The following AKAP13 variants were observed in gnomAD, a reference collection of about 807,000 sequenced individuals.
AKAP13 encodes the protein A-kinase anchor protein 13.
A neutral mutation model predicts 264.5 loss-of-function variants in AKAP13; 80 were observed. The ratio of observed to expected loss-of-function variants is 0.30; its 90% CI spans 0.25 to 0.36. AKAP13 has a LOEUF of 0.36. AKAP13 is among the 10% of genes least tolerant of loss of function. The pLI is 1.00. For missense variants in AKAP13, 3,712 were observed against 3,435.2 expected (o/e 1.08, Z -2.01); for synonymous variants, 1,380 against 1,250.2 (o/e 1.10, Z -2.19).
intron 1 of AKAP13, among the ~76,000 whole-genome samples, chr15:85,456,972 A>G (rs1206557793): frequency 1.3e-5 from 2 of 152,196 alleles, no homozygotes; most frequent in African/African-American, 2.4e-5. Flanking sequence ...TTTATTATCT[A>G]CTGTGAGTCA....
intron 1 of AKAP13, among the ~76,000 whole-genome samples, chr15:85,484,405 G>C (rs2075459565): frequency 6.6e-6 from 1 of 152,228 alleles, no homozygotes; most frequent in Non-Finnish European, 1.5e-5. Flanking sequence ...AGGAAGGAAA[G>C]AGTGCCCTGA....
At chr15:85,613,888 A>AT (rs1239993779) in intron 8 of AKAP13, among the ~76,000 whole-genome samples, 1 of 151,760 alleles carries the variant, frequency 6.6e-6, no homozygotes, top group East Asian at 1.9e-4. Context: ...GGCTAAAATG[A>AT]TAACTTTAAA....
chr15:85,640,786 A>G (rs931503377), intron 9 of AKAP13, among the ~76,000 whole-genome samples: 2 of 152,178 alleles, frequency 1.3e-5, no homozygotes, highest in African/African-American at 4.8e-5. Context: ...GTAAAGGTTA[A>G]ATGAGGTTGG....
chr15:85,566,758 C>G (rs1394266615), intron 5 of AKAP13, among the ~76,000 whole-genome samples: 2 of 151,236 alleles, frequency 1.3e-5, no homozygotes, highest in Non-Finnish European at 2.9e-5. Context: ...TTCTGAGTAG[C>G]TGGGATTACA....
intron 13 of AKAP13, among the ~76,000 whole-genome samples, chr15:85,666,146 T>C (rs1456613691): frequency 6.6e-6 from 1 of 152,216 alleles, no homozygotes; most frequent in African/African-American, 2.4e-5. Context: ...CCGCCAACAG[T>C]GTAAAAGCGT....
rs764093886 is a variant in AKAP13 at position 85,734,898 on chromosome 15, A to G, written c.7283-94A>G. 4.6e-4 allele frequency: 685 copies of G among 1,479,876 alleles called. 1 individual carries two copies. Among genetic ancestry groups the G allele is most frequent in the Non-Finnish European group, 5.9e-4 (652 of 1,105,018 alleles). 91.7% of individuals were successfully genotyped at this position (1,479,876 alleles called of 1,614,324 possible). On this transcript the variant is annotated intron_variant, in intron 30 of 36. Transcript: ENST00000394518. Reference sequence around the variant, plus strand: ...ACCCAGTCACTCTTTGGAACTTTCAAGTCGTGCTCTTTGTACGTATCATAT... The same window carrying G: ...ACCCAGTCACTCTTTGGAACTTTCAGGTCGTGCTCTTTGTACGTATCATAT...
intron 1 of AKAP13, among the ~76,000 whole-genome samples, chr15:85,433,173 T>G (rs2073107197): frequency 6.6e-6 from 1 of 150,996 alleles, no homozygotes; most frequent in Non-Finnish European, 1.5e-5. Context: ...AGCATCATTT[T>G]GTTCTTTGGA....
At chr15:85,400,419 A>G (rs939055032) in intron 1 of AKAP13, among the ~76,000 whole-genome samples, 4 of 152,126 alleles carry the variant, frequency 2.6e-5, no homozygotes, top group African/African-American at 4.8e-5. Context: ...TCTAAAAAAA[A>G]AATTAAAAAA....
At chr15:85,445,366 C>A (rs1482674155) in intron 1 of AKAP13, among the ~76,000 whole-genome samples, 1 of 151,962 alleles carries the variant, frequency 6.6e-6, no homozygotes, top group East Asian at 1.9e-4. Context: ...CACTGGTAGC[C>A]CAGAGAAAAC....
At chr15:85,692,362 C>T (rs2085332542) in intron 16 of AKAP13, among the ~76,000 whole-genome samples, 1 of 152,238 alleles carries the variant, frequency 6.6e-6, no homozygotes, top group Non-Finnish European at 1.5e-5. Context: ...ACCTAATTGT[C>T]ATATGTTTTA....
At chr15:85,389,689 C>T (rs1458235896) in intron 1 of AKAP13, 2 of 152,148 alleles carry the variant, frequency 1.3e-5, no homozygotes, top group Non-Finnish European at 2.9e-5. Context: ...GTGGGAAATA[C>T]AAAACAATGT....
intron 8 of AKAP13, among the ~76,000 whole-genome samples, chr15:85,590,029 T>G (rs1324905532): frequency 6.6e-6 from 1 of 152,140 alleles, no homozygotes; most frequent in East Asian, 1.9e-4. Flanking sequence ...TGAAAAGGGT[T>G]AGAGTCTATG....
intron 14 of AKAP13, among the ~76,000 whole-genome samples, chr15:85,672,099 C>A (rs2083961480): frequency 6.6e-6 from 1 of 152,224 alleles, no homozygotes; most frequent in Admixed American, 6.5e-5. Context: ...GAGAATTTTT[C>A]TGCTCAACTC....
chr15:85,513,105 C>T (rs1483436211), intron 2 of AKAP13, among the ~76,000 whole-genome samples: 1 of 152,120 alleles, frequency 6.6e-6, no homozygotes, highest in Non-Finnish European at 1.5e-5. Flanking sequence ...GTTCCCGGCC[C>T]AGTGTTGACT....
In AKAP13 at chr15:85,744,634, C is replaced by G. The variant is rs116005584; in HGVS notation, c.8399C>G (p.Pro2800Arg). 2.2e-4 allele frequency: 361 copies of G among 1,613,690 alleles called. No homozygotes were observed. The highest frequency in any genetic ancestry group is 5.3e-4 in the Admixed American group (32 of 59,984). Residue 2800 changes from proline to arginine, a missense_variant, in exon 37 of 37, where the codon CCC becomes CGC. Pro to Arg is a moderately radical substitution (Grantham distance 103). This residue lies in a region of AKAP13 where 611 missense variants were observed against 539.3 expected (regional missense o/e 1.13). Transcript: ENST00000394518. ...TTGGTTTTCACATTTCCAGATGGTC[C>G]CGCGTCAGAAGTATCAGCAGAGGGT... ...KTSRSQPGDG[P>R]ASEVSAEGEE...
At chr15:85,447,321 C>A (rs901770480) in intron 1 of AKAP13, among the ~76,000 whole-genome samples, 3 of 152,036 alleles carry the variant, frequency 2.0e-5, no homozygotes, top group Non-Finnish European at 4.4e-5. Flanking sequence ...AAGAGTTCTT[C>A]AGCAAAATGG....
At chr15:85,462,871 A>G (rs1034393188) in intron 1 of AKAP13, among the ~76,000 whole-genome samples, 3 of 150,722 alleles carry the variant, frequency 2.0e-5, no homozygotes, top group Non-Finnish European at 4.4e-5. Context: ...AAAAATACAA[A>G]AAATTAGCCG....
rs751248999 is a variant in AKAP13 at position 85,727,386 on chromosome 15, G to T, written c.7010G>T (p.Arg2337Ile). The T allele has an allele frequency of 6.2e-7, 1 of 1,614,076 alleles. No individual in the cohort carries two copies. Among genetic ancestry groups the T allele is most frequent in the South Asian group, 1.1e-5 (1 of 91,090 alleles). Residue 2337 changes from arginine (R) to isoleucine (I), a missense_variant, in exon 29 of 37, where the codon AGA becomes ATA. By Grantham distance (97) the Arg-to-Ile change is moderately conservative. Coordinates refer to ENST00000394518, the MANE Select transcript of AKAP13 (RefSeq NM_007200.5). The surrounding 1 kb of genome is among the most constrained non-coding windows in gnomAD (Gnocchi z 5.3). Reference protein sequence around the residue: ...IIQDTINTLNRDEDEGIPSEN... With the variant: ...IIQDTINTLNIDEDEGIPSEN... The stretch of plus-strand genomic sequence containing the variant: ...TCTTGTTTGGGTTGTATTAGGAACA[G>T]AGATGAAGATGAAGGAATTCCTAGT...
chr15:85,464,221 T>G (rs1457790176), intron 1 of AKAP13, among the ~76,000 whole-genome samples: 1 of 152,210 alleles, frequency 6.6e-6, no homozygotes, highest in East Asian at 1.9e-4. Context: ...GTCCCTGTTG[T>G]GCCTGTGCCC....
Sources: gnomAD v4.1 joint callset for allele counts (sites outside exome capture counted in the v4.1 genomes callset) on GRCh38, gnomAD v4.1.1 for gene constraint, gnomAD v4.1.1 regional missense constraint, Gnocchi (gnomAD v3.1) non-coding constraint, MANE v1.5 for transcripts, NCBI Gene and HGNC (gene_info 2026-07-23, HGNC 2026-07-21) for gene names.